Variants in LARP4B observed in about 807,000 individuals in gnomAD.
LARP4B encodes La ribonucleoprotein 4B, also known as la-related protein 4B.
Under a neutral mutation model 89.8 loss-of-function variants are expected in LARP4B, and 12 were observed. The ratio of observed to expected loss-of-function variants is 0.13; its 90% CI spans 0.09 to 0.22. LARP4B has a LOEUF of 0.22. LARP4B is among the 10% of genes least tolerant of loss of function. The pLI, the probability that LARP4B is intolerant of heterozygous loss-of-function variation, is 1.00. For synonymous variants in LARP4B, 367 were observed against 363.3 expected (o/e 1.01, Z -0.12); for missense variants, 757 against 947.7 (o/e 0.80, Z 2.64).
chr10:930,307 C>A (rs144791416), intron 1 of LARP4B, among the ~76,000 whole-genome samples: 1 of 152,200 alleles, frequency 6.6e-6, no homozygotes, highest in African/African-American at 2.4e-5. Flanking sequence ...AAAGGCCTCA[C>A]GCATACTGTT....
chr10:934,072 T>A (rs926272309), upstream of LARP4B, among the ~76,000 whole-genome samples: 1 of 151,970 alleles, frequency 6.6e-6, no homozygotes, highest in Non-Finnish European at 1.5e-5. Context: ...GACCTCGTGA[T>A]CCGCCTGCCT....
rs1199798430 is a variant in LARP4B, at chr10:809,596, C to T, written c.*3330G>A. ...AACCTACATTTTTTTTCAAATTAGA[C>T]AGTTTTACACTGAATGACACAAAAG... On this transcript the variant is annotated 3_prime_UTR_variant, in exon 18 of 18. Transcript: ENST00000316157. 3 of 152,494 alleles carry T rather than the reference C, an allele frequency of 2.0e-5. No homozygotes were observed. Among genetic ancestry groups the T allele is most frequent in the Non-Finnish European group, 2.9e-5 (2 of 68,016 alleles). The allele number at this position is 152,494 out of a possible 1,614,324, so 9.4% of individuals were successfully genotyped here. A position where few individuals can be genotyped will look rare whatever the true frequency, so the allele number is the denominator to read the frequency against.
chr10:970,118 G>A, the LARP4B span, among the ~76,000 whole-genome samples: 276 of 152,262 alleles, frequency 1.8e-3, no homozygotes, highest in African/African-American at 6.2e-3. Flanking sequence ...GATGGAAGGA[G>A]GCTTAGACAT....
At chr10:935,467 T>C (rs1449573370), upstream of LARP4B, among the ~76,000 whole-genome samples, 4 of 152,090 alleles carry the variant, frequency 2.6e-5, no homozygotes, top group African/African-American at 9.7e-5. Flanking sequence ...TTTTAGACAG[T>C]TGATTTTCCT....
intron 8 of LARP4B, among the ~76,000 whole-genome samples, chr10:833,258 A>C (rs1210935265): frequency 2.6e-4 from 24 of 93,088 alleles, no homozygotes; most frequent in African/African-American, 9.1e-4. Flanking sequence ...TTAAAAAAAA[A>C]AAAAAAAAAA....
At chr10:945,131 C>A in the LARP4B span, among the ~76,000 whole-genome samples, 2 of 152,262 alleles carry the variant, frequency 1.3e-5, no homozygotes, top group African/African-American at 4.8e-5. Context: ...CCCCTGTAAT[C>A]TCAGCACTTT....
rs1379950251 is a variant in LARP4B at position 885,627 on chromosome 10, T to C, written c.81+14A>G. The C allele has an allele frequency of 6.2e-7, 1 of 1,607,142 alleles. No homozygotes were observed. The highest frequency in any genetic ancestry group is 8.5e-7 in the Non-Finnish European group (1 of 1,176,326). On this transcript the variant is annotated intron_variant, in intron 2 of 17. Transcript: ENST00000316157. ...AGCAATGGACTCCCCACCACCCCAT[T>C]CGACAGCACCCACCAGATGAGCGCT...
chr10:825,899 A>G, intron 11 of LARP4B, 29 bp from the exon 12 acceptor site: 1 of 1,427,288 alleles, frequency 7.0e-7, no homozygotes. Context: ...AGACAAGTAA[A>G]TAAACCATAA....
chr10:945,227 T>C, the LARP4B span, among the ~76,000 whole-genome samples: 2 of 150,682 alleles, frequency 1.3e-5, no homozygotes, highest in Admixed American at 1.3e-4. Flanking sequence ...CTACTAAAAA[T>C]ACAAAAATTA....
chr10:866,694 T>G (rs1834911825), intron 3 of LARP4B, among the ~76,000 whole-genome samples: 1 of 152,264 alleles, frequency 6.6e-6, no homozygotes, highest in East Asian at 1.9e-4. Flanking sequence ...TTCCATCCAC[T>G]TAGCTGGCTC....
At chr10:975,854 G>A in the LARP4B span, among the ~76,000 whole-genome samples, 1 of 147,534 alleles carries the variant, frequency 6.8e-6, no homozygotes, top group African/African-American at 2.5e-5. Flanking sequence ...CCTAGTAGAA[G>A]GTAGGCCTGT....
chr10:863,639 G>C, intron 5 of LARP4B, 104 bp downstream of exon 5: 4 of 1,246,732 alleles, frequency 3.2e-6, no homozygotes, highest in Non-Finnish European at 4.4e-6. Context: ...TTAAAAGCAG[G>C]CAAAGAAAGA....
At chr10:931,728 G>A (rs979733410), upstream of LARP4B, 1 of 151,384 alleles carries the variant, frequency 6.6e-6, no homozygotes, top group African/African-American at 2.4e-5. Context: ...CCCTGCGGAA[G>A]TCCCGCCCCC....
At chr10:985,491 G>C in the LARP4B span, 1 of 152,258 alleles carries the variant, frequency 6.6e-6, no homozygotes, top group Non-Finnish European at 1.5e-5. Context: ...CAGGATCACA[G>C]CGGGTGGAGC....
the LARP4B span, chr10:988,198 C>T: frequency 2.4e-6 from 1 of 422,814 alleles, no homozygotes. Context: ...TCGGAAACCC[C>T]CGCTTTACTC....
chr10:918,288 A>C (rs752592917), intron 1 of LARP4B, among the ~76,000 whole-genome samples: 25 of 152,188 alleles, frequency 1.6e-4, no homozygotes, highest in Non-Finnish European at 3.4e-4. Flanking sequence ...TGGCCCAAAT[A>C]AACTCTTCAC....
At chr10:948,468 G>A in the LARP4B span, among the ~76,000 whole-genome samples, 10 of 152,280 alleles carry the variant, frequency 6.6e-5, no homozygotes, top group African/African-American at 2.4e-4. Context: ...GGCAGGTCTC[G>A]AACTCCTGAC....
At chr10:842,488 AC>A (rs1833572426) in intron 7 of LARP4B, among the ~76,000 whole-genome samples, 1 of 152,166 alleles carries the variant, frequency 6.6e-6, no homozygotes, top group African/African-American at 2.4e-5. Context: ...AAGCCACCAC[AC>A]CTGGCCCACA....
intron 5 of LARP4B, among the ~76,000 whole-genome samples, chr10:857,733 T>A (rs1834382364): frequency 6.6e-6 from 1 of 152,242 alleles, no homozygotes; most frequent in African/African-American, 2.4e-5. Context: ...GAGTCTTTGC[T>A]GATTGAGCTC....
Sources: gnomAD v4.1 joint callset for allele counts (sites outside exome capture counted in the v4.1 genomes callset) on GRCh38, gnomAD v4.1.1 for gene constraint, MANE v1.5 for transcripts, NCBI Gene and HGNC (gene_info 2026-07-23, HGNC 2026-07-21) for gene names.